Variants in KALRN observed in about 807,000 individuals in gnomAD.
KALRN encodes kalirin RhoGEF kinase.
KALRN carries 70 observed loss-of-function variants against 353.7 expected under a neutral mutation model. The observed-to-expected ratio is 0.20, with a 90% CI of 0.16 to 0.24. The LOEUF is 0.24. Ranked by LOEUF, KALRN falls within the 10% of genes least tolerant of loss-of-function variation. The pLI, the probability that KALRN is intolerant of heterozygous loss-of-function variation, is 1.00. For synonymous variants in KALRN, 1,391 were observed against 1,434.8 expected (o/e 0.97, Z 0.69); for missense variants, 2,791 against 3,756.7 (o/e 0.74, Z 6.72).
chr3:124,055,927 C>G (rs1268540299), intron 1 of KALRN, among the ~76,000 whole-genome samples: 2 of 152,238 alleles, frequency 1.3e-5, no homozygotes, highest in East Asian at 3.8e-4. Flanking sequence ...TTATTCATTC[C>G]TTCCAGGACC....
At chr3:124,271,124 C>T (rs2074124152) in intron 5 of KALRN, among the ~76,000 whole-genome samples, 1 of 152,086 alleles carries the variant, frequency 6.6e-6, no homozygotes, top group African/African-American at 2.4e-5. Context: ...AGCCACCGTG[C>T]CCGGCCCTGT....
chr3:124,360,863 A>G (rs2149683041), intron 10 of KALRN, among the ~76,000 whole-genome samples: 1 of 152,332 alleles, frequency 6.6e-6, no homozygotes, highest in East Asian at 1.9e-4. Flanking sequence ...AAGAGGGAGC[A>G]TGTGATGAAT....
chr3:124,362,169 G>T (rs988631748), intron 10 of KALRN, among the ~76,000 whole-genome samples: 7 of 152,206 alleles, frequency 4.6e-5, no homozygotes, highest in African/African-American at 1.7e-4. Context: ...CTGAGGAAAA[G>T]GGCTTCAGGC....
intron 34 of KALRN, among the ~76,000 whole-genome samples, chr3:124,615,026 A>T (rs183532463): frequency 1.3e-5 from 2 of 152,272 alleles, no homozygotes; most frequent in Non-Finnish European, 2.9e-5. Context: ...TTTGTCACAT[A>T]TATGACCAGG....
intron 34 of KALRN, among the ~76,000 whole-genome samples, chr3:124,585,920 T>G (rs2075133320): frequency 6.6e-6 from 1 of 152,162 alleles, no homozygotes; most frequent in Non-Finnish European, 1.5e-5. Flanking sequence ...GTGAATAAAC[T>G]TCATCCAAGC....
chr3:124,077,134 C>T (rs1288961212), intron 1 of KALRN, among the ~76,000 whole-genome samples: 1 of 152,190 alleles, frequency 6.6e-6, no homozygotes, highest in Non-Finnish European at 1.5e-5. Context: ...GCTGCTATTC[C>T]ACTTCTTGGT....
At chr3:124,639,507 AT>A (rs1191038629) in intron 37 of KALRN, among the ~76,000 whole-genome samples, 1 of 152,134 alleles carries the variant, frequency 6.6e-6, no homozygotes. Flanking sequence ...TCCAGAGTCT[AT>A]TTTTATATTT....
At chr3:124,326,911 A>G (rs2079974866) in intron 7 of KALRN, among the ~76,000 whole-genome samples, 1 of 152,206 alleles carries the variant, frequency 6.6e-6, no homozygotes, top group South Asian at 2.1e-4. Context: ...TCACTTCCTG[A>G]TTATTTTACA....
At chr3:124,294,956 G>A (rs2076734542) in intron 5 of KALRN, among the ~76,000 whole-genome samples, 1 of 152,182 alleles carries the variant, frequency 6.6e-6, no homozygotes, top group East Asian at 1.9e-4. Context: ...AGTCTCATGT[G>A]GAGTTAGTGA....
intron 44 of KALRN, among the ~76,000 whole-genome samples, chr3:124,661,367 G>T (rs79697624): frequency 0.049 from 7,445 of 152,284 alleles, 296 homozygotes; most frequent in East Asian, 0.2. Flanking sequence ...TCACCTCCCT[G>T]TCCAAACCCT....
chr3:124,269,478 T>A (rs1362009129), intron 5 of KALRN, among the ~76,000 whole-genome samples: 1 of 152,204 alleles, frequency 6.6e-6, no homozygotes, highest in Non-Finnish European at 1.5e-5. Context: ...TTTTAATCCT[T>A]TCAAGAGTCC....
intron 33 of KALRN, among the ~76,000 whole-genome samples, chr3:124,499,057 A>T (rs942587789): frequency 1.3e-5 from 2 of 152,202 alleles, no homozygotes; most frequent in African/African-American, 2.4e-5. Context: ...CACCCAATTC[A>T]GACTCATCTA....
At chr3:124,077,293 G>A (rs1046224529) in intron 1 of KALRN, among the ~76,000 whole-genome samples, 23 of 152,200 alleles carry the variant, frequency 1.5e-4, no homozygotes, top group African/African-American at 5.5e-4. Flanking sequence ...AGATGGGTGG[G>A]AAGGCTCAGG....
intron 33 of KALRN, among the ~76,000 whole-genome samples, chr3:124,529,950 G>T (rs2067903611): frequency 6.6e-6 from 1 of 152,188 alleles, no homozygotes; most frequent in Non-Finnish European, 1.5e-5. Context: ...TTACCAATGA[G>T]AAAGACTGAA....
chr3:124,060,909 T>G (rs1028803770), intron 1 of KALRN, among the ~76,000 whole-genome samples: 1 of 152,218 alleles, frequency 6.6e-6, no homozygotes, highest in Non-Finnish European at 1.5e-5. Context: ...GGGGAATGGT[T>G]AGCTAAGAGC....
intron 32 of KALRN, among the ~76,000 whole-genome samples, chr3:124,495,990 TATATATATATATATATATATATACAC>T (rs1468890446): frequency 5.1e-5 from 3 of 58,532 alleles, no homozygotes; most frequent in Non-Finnish European, 9.4e-5. Flanking sequence ...TATATATATA[TATATATATATATATATATATATACAC>T]ACACATATAT....
intron 5 of KALRN, among the ~76,000 whole-genome samples, chr3:124,274,601 A>C (rs2074503255): frequency 6.6e-6 from 1 of 152,252 alleles, no homozygotes; most frequent in Admixed American, 6.5e-5. Context: ...TATTGAAATC[A>C]TGCCTATTAT....
chr3:124,701,074 G>T (rs2062303572), intron 56 of KALRN, among the ~76,000 whole-genome samples: 1 of 152,220 alleles, frequency 6.6e-6, no homozygotes, highest in African/African-American at 2.4e-5. Context: ...AGCTGCTCAT[G>T]TGACCCCTCT....
intron 37 of KALRN, among the ~76,000 whole-genome samples, chr3:124,643,481 G>C (rs1285357409): frequency 2.6e-5 from 4 of 152,088 alleles, no homozygotes; most frequent in African/African-American, 9.7e-5. Flanking sequence ...TAAGGATTTT[G>C]TTGTTGTTCG....
Sources: allele counts gnomAD v4.1 joint callset (sites outside exome capture counted in the v4.1 genomes callset), GRCh38; gene constraint gnomAD v4.1.1; transcripts MANE v1.5; gene names NCBI Gene and HGNC (gene_info 2026-07-23, HGNC 2026-07-21).